The following TCERG1 variants were observed in gnomAD, a reference collection of about 807,000 sequenced individuals.
The protein encoded by TCERG1 is TATA box binding protein (TBP)-associated factor, RNA polymerase II, S, 150kD.
TCERG1 carries 37 observed loss-of-function variants against 144.7 expected under a neutral mutation model. That is an observed-to-expected ratio of 0.26 (90% CI 0.20 to 0.34). The LOEUF (loss-of-function observed/expected upper bound fraction) is 0.34. Ranked by LOEUF, TCERG1 falls within the 10% of genes least tolerant of loss-of-function variation. The pLI is 1.00. For missense variants in TCERG1, 1,027 were observed against 1,380.7 expected (o/e 0.74, Z 4.06); for synonymous variants, 492 against 458.2 (o/e 1.07, Z -0.94).
chr5:146,457,825 G>A (rs749621341), intron 3 of TCERG1, among the ~76,000 whole-genome samples: 24 of 152,152 alleles, frequency 1.6e-4, no homozygotes, highest in Non-Finnish European at 3.1e-4. Context: ...ATTGGGCTGT[G>A]GGGTGGAATT....
In TCERG1 at chr5:146,458,011, G is replaced by A. The variant is rs186651641; in HGVS notation, c.438+676G>A. 5.1e-4 allele frequency among the ~76,000 whole-genome samples: 77 copies of A among 151,574 alleles called. No homozygotes were observed. The Middle Eastern group carries it at 0.014, about 27-fold the overall frequency. ...GTTACAGGCACCTGCCATCATGCTC[G>A]GCTAATTTTTGTATTTTTAATAGAG... On this transcript the variant is annotated intron_variant, in intron 3 of 22. Coordinates refer to ENST00000679501, the MANE Select transcript of TCERG1 (RefSeq NM_001382548.1).
chr5:146,483,444 T>C lies in TCERG1; in HGVS notation c.2074-96T>C. The C allele has an allele frequency of 9.2e-6, 10 of 1,085,548 alleles. No individual in the cohort carries two copies. In the South Asian group the frequency reaches 1.6e-4, roughly 17 times the overall value. The allele number at this position is 1,085,548 out of a possible 1,614,324, so 67.2% of individuals were successfully genotyped here. On this transcript the variant is annotated intron_variant, in intron 14 of 22. Coordinates refer to ENST00000679501, the MANE Select transcript of TCERG1 (RefSeq NM_001382548.1). ...AACTTCAGTATGGTTTTATGTCTCCTTTATAAACAGATATCCTGTAGATTT... is the reference window on the plus strand; with the variant it reads ...AACTTCAGTATGGTTTTATGTCTCCCTTATAAACAGATATCCTGTAGATTT...
rs200737262 is a variant in TCERG1 at position 146,458,977 on chromosome 5, G to A, written c.532G>A (p.Ala178Thr). Residue 178 changes from alanine (A) to threonine (T), a missense_variant, in exon 4 of 23, where the codon GCA (alanine) becomes ACA (threonine). Physicochemically the swap from Ala to Thr is moderately conservative, Grantham distance 58 (BLOSUM62 0). Transcript: ENST00000679501. ...IQQSELTPMLAAQAQVQAQAQ... is the reference protein window; with the variant it reads ...IQQSELTPMLTAQAQVQAQAQ... ...GCAATCAGAACTGACACCTATGCTTGCAGCCCAGGCACAGGTTCAGGCTCA... is the reference window on the plus strand; with the variant it reads ...GCAATCAGAACTGACACCTATGCTTACAGCCCAGGCACAGGTTCAGGCTCA... 3.1e-6 allele frequency: 5 copies of A among 1,614,146 alleles called. No individual in the cohort carries two copies. In the South Asian group the frequency reaches 4.4e-5, roughly 14 times the overall value.
intron 21 of TCERG1, 69 bp downstream of exon 21, chr5:146,508,025 C>T: frequency 1.0e-6 from 1 of 999,472 alleles, no homozygotes; most frequent in Non-Finnish European, 1.5e-6. Flanking sequence ...AACAGCACTA[C>T]TATCTTAACC....
At chr5:146,494,436 T>TGGTAA (rs1345104822) in intron 16 of TCERG1, among the ~76,000 whole-genome samples, 1 of 152,200 alleles carries the variant, frequency 6.6e-6, no homozygotes, top group Non-Finnish European at 1.5e-5. Flanking sequence ...TTGGTAGATA[T>TGGTAA]GACTAAGTCT....
At position 146,478,023 on chromosome 5, in the gene TCERG1, A is replaced by G. The variant is rs574401724; in HGVS notation, c.1602-470A>G. On this transcript the variant is annotated intron_variant, in intron 9 of 22. Coordinates refer to ENST00000679501, the MANE Select transcript of TCERG1 (RefSeq NM_001382548.1). Reference sequence around the variant, plus strand: ...GGGCCTTCCCTTTACTTTTTATTTTAGATATAATTAGATCTTAAAGTCTTC... The same window carrying G: ...GGGCCTTCCCTTTACTTTTTATTTTGGATATAATTAGATCTTAAAGTCTTC... 5.3e-5 allele frequency among the ~76,000 whole-genome samples: 8 copies of G among 152,054 alleles called. No homozygotes were observed. In the South Asian group the frequency reaches 1.7e-3, roughly 32 times the overall value.
chr5:146,465,114 G>A (rs150610611), intron 5 of TCERG1, among the ~76,000 whole-genome samples: 3 of 152,298 alleles, frequency 2.0e-5, no homozygotes, highest in Non-Finnish European at 4.4e-5. Flanking sequence ...AAGACAAGCA[G>A]CTGGATACTT....
chr5:146,461,626 G>A (rs980275458), intron 4 of TCERG1, among the ~76,000 whole-genome samples: 2 of 152,068 alleles, frequency 1.3e-5, no homozygotes, highest in African/African-American at 4.8e-5. Context: ...ATCTCCATTG[G>A]TGTTCTTTTC....
At chr5:146,487,825 G>A (rs916422201) in intron 15 of TCERG1, among the ~76,000 whole-genome samples, 3 of 151,970 alleles carry the variant, frequency 2.0e-5, no homozygotes, top group Admixed American at 6.6e-5. Flanking sequence ...AAAGCTGGAC[G>A]TATCGTAGTA....
At chr5:146,485,776 C>T (rs914989376) in intron 15 of TCERG1, among the ~76,000 whole-genome samples, 2 of 152,160 alleles carry the variant, frequency 1.3e-5, no homozygotes, top group Non-Finnish European at 2.9e-5. Flanking sequence ...TTACTGCAGC[C>T]TCTGCCTCTC....
At chr5:146,454,286 T>G (rs975486184) in intron 1 of TCERG1, among the ~76,000 whole-genome samples, 3 of 152,182 alleles carry the variant, frequency 2.0e-5, no homozygotes, top group Admixed American at 6.5e-5. Context: ...ATTGAGGTTA[T>G]ACATTTTTGG....
At position 146,511,856 on chromosome 5, in the gene TCERG1, T is replaced by C. The variant is rs924390160; in HGVS notation, c.*1214T>C. On this transcript the variant is annotated 3_prime_UTR_variant, in exon 23 of 23. Transcript: ENST00000679501. Reference sequence around the variant, plus strand: ...CATCACACCATGAATCAGTTCCTAATTGATATATCTAGCTTTACCTCCCGA... The same window carrying C: ...CATCACACCATGAATCAGTTCCTAACTGATATATCTAGCTTTACCTCCCGA... 5.4e-5 allele frequency: 8 copies of C among 148,822 alleles called. No individual in the cohort carries two copies. Among genetic ancestry groups the C allele is most frequent in the Non-Finnish European group, 3.0e-5 (2 of 67,534 alleles). The allele number at this position is 148,822 out of a possible 1,614,324, so 9.2% of individuals were successfully genotyped here. A position where few individuals can be genotyped will look rare whatever the true frequency, so the allele number is the denominator to read the frequency against.
rs1189389152 is a variant in TCERG1, at chr5:146,507,276, T to A, written c.2961+69T>A. On this transcript the variant is annotated intron_variant, in intron 20 of 22. Transcript: ENST00000679501. This position sits in a 1 kb window ranked among gnomAD's most constrained non-coding sequence, Gnocchi z 4.6. ...GTTAGTAATTTCTTAAAGCAAAGCATTGATATGATTTTTAGTGTCATGGTC... is the reference window on the plus strand; with the variant it reads ...GTTAGTAATTTCTTAAAGCAAAGCAATGATATGATTTTTAGTGTCATGGTC... 1 of 1,412,374 alleles carries A rather than the reference T, an allele frequency of 7.1e-7. No homozygotes were observed. Among genetic ancestry groups the A allele is most frequent in the East Asian group, 2.4e-5 (1 of 42,124 alleles). 87.5% of individuals were successfully genotyped at this position (1,412,374 alleles called of 1,614,324 possible).
At chr5:146,500,698 T>G (rs1767342790) in intron 17 of TCERG1, among the ~76,000 whole-genome samples, 1 of 152,210 alleles carries the variant, frequency 6.6e-6, no homozygotes, top group Admixed American at 6.5e-5. Context: ...TACCACTAGT[T>G]TTCCATTTTA....
intron 9 of TCERG1, 37 bp from the exon 10 acceptor site, chr5:146,478,456 G>A (rs1161518522): frequency 6.5e-7 from 1 of 1,535,810 alleles, no homozygotes; most frequent in Non-Finnish European, 8.7e-7. Context: ...AATATGTTCT[G>A]TAACATAAGA....
intron 6 of TCERG1, 25 bp downstream of exon 6, chr5:146,468,428 T>C: frequency 6.2e-7 from 1 of 1,607,544 alleles, no homozygotes; most frequent in Non-Finnish European, 8.5e-7. Context: ...CATCTTAGTT[T>C]GTTTTGTCTG....
intron 13 of TCERG1, chr5:146,481,602 G>A (rs1486626120): frequency 6.6e-6 from 1 of 152,050 alleles, no homozygotes; most frequent in Non-Finnish European, 1.5e-5. Context: ...TTCCTGTATA[G>A]CATGCTTTTG....
chr5:146,506,227 C>T (rs537848888), intron 19 of TCERG1, among the ~76,000 whole-genome samples: 1 of 152,236 alleles, frequency 6.6e-6, no homozygotes, highest in East Asian at 1.9e-4. Context: ...TGTTTTCTTA[C>T]CTTTCTGTTA....
In TCERG1 at chr5:146,468,343, G is replaced by A. The variant is rs755350890; in HGVS notation, c.1138G>A (p.Val380Ile). The A allele has an allele frequency of 3.7e-6, 6 of 1,606,854 alleles. No individual in the cohort carries two copies. The South Asian group carries it at 4.5e-5, about 12-fold the overall frequency. Residue 380 changes from valine (V) to isoleucine (I), a missense_variant and splice_region_variant, in exon 6 of 23, where the codon GTA becomes ATA. Transcript: ENST00000679501. ...LPGMPIPLPG[V>I]AMMQIVSCPY... ...ATGCTTGCTTATCCATTTTACAGGT[G>A]TAGCAATGATGCAAATAGTCAGCTG...
Sources: allele counts gnomAD v4.1 joint callset (sites outside exome capture counted in the v4.1 genomes callset), GRCh38; gene constraint gnomAD v4.1.1; non-coding constraint Gnocchi (gnomAD v3.1); transcripts MANE v1.5; gene names NCBI Gene and HGNC (gene_info 2026-07-23, HGNC 2026-07-21).